USP32: variants seen among roughly 807,000 people sequenced by gnomAD.
USP32 encodes ubiquitin carboxyl-terminal hydrolase 32.
In USP32, 59 loss-of-function variants were observed where a neutral mutation model predicts 204.8. The observed-to-expected ratio is 0.29, with a 90% confidence interval of 0.23 to 0.36. The LOEUF (loss-of-function observed/expected upper bound fraction) is 0.36. USP32 is among the 10% of genes least tolerant of loss of function. The probability of loss-of-function intolerance (pLI) is 1.00; values close to 1 mark genes in which losing one functional copy is unlikely to be tolerated. For missense variants in USP32, 1,160 were observed against 1,946.4 expected (o/e 0.60, Z 7.60); for synonymous variants, 517 against 678.4 (o/e 0.76, Z 3.70).
Position 60,249,676 on chromosome 17 carries a change from T to C in USP32, c.1136+2705A>G, listed in dbSNP as rs968952318. On this transcript the variant is annotated intron_variant, in intron 11 of 33. Transcript: ENST00000300896. ...CTGGTTAAATTACCACACACTTCCATTGTTCTCACCAAGGATTAGTAGTTC... is the reference window on the plus strand; with the variant it reads ...CTGGTTAAATTACCACACACTTCCACTGTTCTCACCAAGGATTAGTAGTTC... The C allele has an allele frequency of 4.3e-6, 3 of 695,168 alleles. No individual in the cohort carries two copies. In the African/African-American group the frequency reaches 5.3e-5, roughly 12 times the overall value. The allele number at this position is 695,168 out of a possible 1,614,324, so 43.1% of individuals were successfully genotyped here. A position where few individuals can be genotyped will look rare whatever the true frequency, so the allele number is the denominator to read the frequency against.
chr17:60,280,133 G>T (rs2086934581), intron 5 of USP32, among the ~76,000 whole-genome samples: 1 of 152,066 alleles, frequency 6.6e-6, no homozygotes, highest in African/African-American at 2.4e-5. Context: ...TTTCACTCTT[G>T]TTACCCAGGC....
chr17:60,239,925 C>T (rs1485032422), intron 11 of USP32, among the ~76,000 whole-genome samples: 1 of 152,000 alleles, frequency 6.6e-6, no homozygotes, highest in Admixed American at 6.6e-5. Flanking sequence ...TTAGTAGAGA[C>T]GGGGTTTTAC....
chr17:60,307,508 T>C (rs1463787807), intron 2 of USP32, among the ~76,000 whole-genome samples: 3 of 152,068 alleles, frequency 2.0e-5, no homozygotes, highest in African/African-American at 4.8e-5. Flanking sequence ...AAAAAGAGAA[T>C]CCTAAAACAT....
intron 11 of USP32, chr17:60,249,685 C>A: frequency 1.4e-6 from 1 of 697,860 alleles, no homozygotes; most frequent in Middle Eastern, 2.3e-4. Context: ...ATTGTTCTCA[C>A]CAAGGATTAG....
rs775809734 is a variant in USP32, at chr17:60,180,028, GT to G, written c.4641+516del. ...GGAGTTTTTGCATTAACTAACTCCT[GT>G]TTTTTTTTTTTCTTGAGACAGAGTC... On this transcript the variant is annotated intron_variant, in intron 33 of 33. Coordinates refer to ENST00000300896, the MANE Select transcript of USP32 (RefSeq NM_032582.4). Among the ~76,000 whole-genome samples the G allele has an allele frequency of 9.4e-3, 1,353 of 144,666 alleles. 10 individuals carry two copies. The highest frequency in any genetic ancestry group is 0.014 in the Non-Finnish European group (919 of 65,680). 94.9% of individuals were successfully genotyped at this position (144,666 alleles called of 152,430 possible). A position where few individuals can be genotyped will look rare whatever the true frequency, so the allele number is the denominator to read the frequency against.
At chr17:60,333,566 C>T (rs1269529719) in intron 2 of USP32, among the ~76,000 whole-genome samples, 1 of 151,800 alleles carries the variant, frequency 6.6e-6, no homozygotes, top group African/African-American at 2.4e-5. Context: ...TGCCACTGCA[C>T]TCCACCTGGG....
At chr17:60,392,217 C>G (rs796887378), upstream of USP32, 10 of 484,798 alleles carry the variant, frequency 2.1e-5, no homozygotes, top group African/African-American at 1.0e-4. Context: ...TCCCTCCTCA[C>G]GCCCTCTTGC....
chr17:60,198,709 C>T (rs1276109622), intron 26 of USP32, among the ~76,000 whole-genome samples: 2 of 152,326 alleles, frequency 1.3e-5, no homozygotes, highest in East Asian at 3.9e-4. Context: ...TATATTCAAA[C>T]CAGTTTTCTC....
intron 1 of USP32, among the ~76,000 whole-genome samples, chr17:60,349,596 A>AAAAATATATATATATATAT (rs1555618242): frequency 1.5e-5 from 1 of 65,202 alleles, no homozygotes; most frequent in Non-Finnish European, 2.5e-5. Flanking sequence ...AAAAAAAAAA[A>AAAAATATATATATATATAT]ATATATATAT....
chr17:60,418,566 TA>T (rs1230780930), intron 1 of USP32, among the ~76,000 whole-genome samples: 2 of 151,696 alleles, frequency 1.3e-5, no homozygotes, highest in Non-Finnish European at 2.9e-5. Flanking sequence ...ATCAATAGAG[TA>T]AACAGACAAC....
chr17:60,393,637 C>T (rs755008497), upstream of USP32, among the ~76,000 whole-genome samples: 3 of 151,516 alleles, frequency 2.0e-5, no homozygotes, highest in Non-Finnish European at 2.9e-5. Flanking sequence ...CTAAAACCAA[C>T]AGATTCTAAT....
At chr17:60,347,502 C>T (rs1355975523) in intron 1 of USP32, among the ~76,000 whole-genome samples, 1 of 151,544 alleles carries the variant, frequency 6.6e-6, no homozygotes, top group Admixed American at 6.6e-5. Context: ...TACAGGCGCC[C>T]GCCACCACGC....
At chr17:60,345,357 C>T in intron 2 of USP32, 124 bp downstream of exon 2, 1 of 1,351,208 alleles carries the variant, frequency 7.4e-7, no homozygotes, top group South Asian at 1.4e-5. Flanking sequence ...CATTGTTTAC[C>T]CACTCAGGAA....
chr17:60,297,686 A>G (rs2087469665), intron 3 of USP32, among the ~76,000 whole-genome samples: 1 of 152,020 alleles, frequency 6.6e-6, no homozygotes, highest in Admixed American at 6.6e-5. Context: ...GGTGATCCAC[A>G]TGCCTCAGCC....
chr17:60,282,919 A>G (rs980223168), intron 5 of USP32, among the ~76,000 whole-genome samples: 1 of 152,232 alleles, frequency 6.6e-6, no homozygotes, highest in Non-Finnish European at 1.5e-5. Context: ...ACTCAAAGGA[A>G]TAGGACCTGA....
intron 1 of USP32, among the ~76,000 whole-genome samples, chr17:60,369,690 T>G (rs1444997060): frequency 6.6e-6 from 1 of 152,082 alleles, no homozygotes; most frequent in Non-Finnish European, 1.5e-5. Context: ...GAGAAAATAC[T>G]TGCAGCAAAT....
In USP32 at chr17:60,318,603, G is replaced by A. The variant is rs147296064; in HGVS notation, c.187-16899C>T. Among the ~76,000 whole-genome samples, 107 of 152,306 alleles carry A rather than the reference G, an allele frequency of 7.0e-4. 2 individuals carry two copies. Among genetic ancestry groups the A allele is most frequent in the South Asian group, 4.3e-3 (21 of 4,830 alleles). On this transcript the variant is annotated intron_variant, in intron 2 of 33. Coordinates refer to ENST00000300896, the MANE Select transcript of USP32 (RefSeq NM_032582.4). ...TTATGAAACTGTGACAAAATCATTA[G>A]TGGCTTTTAGCTGCACCCCCACCTC...
intron 1 of USP32, among the ~76,000 whole-genome samples, chr17:60,391,627 A>C (rs1053823749): frequency 1.3e-5 from 2 of 152,314 alleles, no homozygotes; most frequent in East Asian, 3.9e-4. Flanking sequence ...CAACGCCACC[A>C]GCGAGCACGG....
intron 5 of USP32, among the ~76,000 whole-genome samples, chr17:60,284,929 C>T (rs1361392068): frequency 6.6e-6 from 1 of 152,200 alleles, no homozygotes; most frequent in Non-Finnish European, 1.5e-5. Context: ...TTTCTATCCA[C>T]TGACCACCTC....
Sources: allele counts gnomAD v4.1 joint callset (sites outside exome capture counted in the v4.1 genomes callset), GRCh38; gene constraint gnomAD v4.1.1; transcripts MANE v1.5; gene names NCBI Gene and HGNC (gene_info 2026-07-23, HGNC 2026-07-21).